Variants in MELK observed in about 807,000 individuals in gnomAD.
The protein encoded by MELK is pEg3 kinase.
In MELK, 81 loss-of-function variants were observed where a neutral mutation model predicts 85.0. The ratio of observed to expected loss-of-function variants is 0.95; its 90% confidence interval spans 0.80 to 1.15. The LOEUF (loss-of-function observed/expected upper bound fraction) is 1.15. Ranked by LOEUF, MELK falls within the 50% of genes most tolerant of loss-of-function variation. The pLI, the probability that MELK is intolerant of heterozygous loss-of-function variation, is 0.00. For missense variants in MELK, 754 were observed against 777.5 expected (o/e 0.97, Z 0.36); for synonymous variants, 252 against 265.0 (o/e 0.95, Z 0.48).
intron 12 of MELK, among the ~76,000 whole-genome samples, chr9:36,654,780 A>G (rs1831062738): frequency 6.6e-6 from 1 of 152,166 alleles, no homozygotes; most frequent in Non-Finnish European, 1.5e-5. Flanking sequence ...CATTTAACTA[A>G]TAATTTAATT....
chr9:36,621,556 C>T (rs1373844567), intron 8 of MELK, among the ~76,000 whole-genome samples: 1 of 152,090 alleles, frequency 6.6e-6, no homozygotes, highest in Non-Finnish European at 1.5e-5. Flanking sequence ...GAGGTAGATC[C>T]TGGATTTGAA....
intron 1 of MELK, among the ~76,000 whole-genome samples, chr9:36,581,132 C>T (rs2134971632): frequency 6.6e-6 from 1 of 152,222 alleles, no homozygotes; most frequent in African/African-American, 2.4e-5. Context: ...ATATTTGTTG[C>T]AAGTATCTTC....
intron 7 of MELK, among the ~76,000 whole-genome samples, chr9:36,605,485 T>A (rs1372819090): frequency 6.6e-6 from 1 of 152,088 alleles, no homozygotes; most frequent in Non-Finnish European, 1.5e-5. Context: ...GTGCTGGGAT[T>A]ATAGGTGTGA....
intron 13 of MELK, among the ~76,000 whole-genome samples, chr9:36,664,324 A>AT (rs1832131713): frequency 6.6e-6 from 1 of 152,088 alleles, no homozygotes; most frequent in Non-Finnish European, 1.5e-5. Flanking sequence ...GTCTTTTGGA[A>AT]TTTTTTATGT....
chr9:36,602,058 C>T (rs1041832645), intron 7 of MELK, among the ~76,000 whole-genome samples: 1 of 152,150 alleles, frequency 6.6e-6, no homozygotes, highest in Non-Finnish European at 1.5e-5. Flanking sequence ...CTTTCAGATC[C>T]TGCTTTCAAT....
chr9:36,667,733 T>C (rs1317851988), intron 14 of MELK, among the ~76,000 whole-genome samples: 1 of 152,152 alleles, frequency 6.6e-6, no homozygotes, highest in Non-Finnish European at 1.5e-5. Context: ...CATTTTTCTT[T>C]CTTTTCTTTT....
At chr9:36,576,732 A>C (rs1387936995) in intron 1 of MELK, among the ~76,000 whole-genome samples, 1 of 152,020 alleles carries the variant, frequency 6.6e-6, no homozygotes, top group African/African-American at 2.4e-5. Context: ...GGGTTTCTGC[A>C]TGTTGGTCAG....
chr9:36,607,127 T>A (rs1324247469), intron 7 of MELK, among the ~76,000 whole-genome samples: 1 of 152,338 alleles, frequency 6.6e-6, no homozygotes, highest in East Asian at 1.9e-4. Flanking sequence ...TTATTAAAGT[T>A]CTCTACATAG....
At chr9:36,613,912 G>A (rs150171751) in intron 8 of MELK, among the ~76,000 whole-genome samples, 199 of 152,138 alleles carry the variant, frequency 1.3e-3, no homozygotes, top group African/African-American at 4.3e-3. Context: ...TACGTGAAAT[G>A]GGGAGCCATT....
chr9:36,630,500 A>G, intron 9 of MELK, 133 bp downstream of exon 9: 1 of 667,456 alleles, frequency 1.5e-6, no homozygotes, highest in Non-Finnish European at 2.6e-6. Context: ...AATATCCTCT[A>G]TTAGATCCTT....
intron 10 of MELK, among the ~76,000 whole-genome samples, chr9:36,636,752 C>CTT (rs1405809705): frequency 2.0e-5 from 2 of 102,064 alleles, no homozygotes; most frequent in African/African-American, 4.2e-5. Context: ...TTCTTTCTTT[C>CTT]TTTCTTTCTT....
intron 8 of MELK, among the ~76,000 whole-genome samples, chr9:36,629,166 G>T (rs1828262502): frequency 6.6e-6 from 1 of 151,986 alleles, no homozygotes; most frequent in African/African-American, 2.4e-5. Context: ...CGCCCAGCCT[G>T]GTTTTGTATT....
chr9:36,594,619 CTGT>C lies in MELK; in HGVS notation c.262-6_262-4del, dbSNP rs1436037515. Reference sequence around the variant, plus strand: ...TGTAACAATATCTGTGATTCCATTGCTGTTGAAGTACTGCCCTGGAGGAGAGCT... The same window carrying C: ...TGTAACAATATCTGTGATTCCATTGCTGAAGTACTGCCCTGGAGGAGAGCT... On this transcript the variant is annotated splice_region_variant and splice_polypyrimidine_tract_variant and intron_variant, in intron 4 of 17. Coordinates refer to ENST00000298048, the MANE Select transcript of MELK (RefSeq NM_014791.4). 11 of 1,608,160 alleles carry C rather than the reference CTGT, an allele frequency of 6.8e-6. No homozygotes were observed. The highest frequency in any genetic ancestry group is 9.3e-6 in the Non-Finnish European group (11 of 1,178,184).
chr9:36,577,953 G>A (rs1235480152), intron 1 of MELK, among the ~76,000 whole-genome samples: 1 of 152,040 alleles, frequency 6.6e-6, no homozygotes, highest in African/African-American at 2.4e-5. Context: ...GCGCCTGGCT[G>A]TTTTTTATTT....
intron 8 of MELK, among the ~76,000 whole-genome samples, chr9:36,621,303 A>C (rs1029647445): frequency 2.3e-4 from 30 of 130,294 alleles, no homozygotes; most frequent in African/African-American, 9.3e-4. Context: ...AAAAAAAAAA[A>C]AAAAAAAAAA....
intron 4 of MELK, among the ~76,000 whole-genome samples, chr9:36,593,491 G>C (rs1286631669): frequency 6.6e-6 from 1 of 151,994 alleles, no homozygotes; most frequent in Non-Finnish European, 1.5e-5. Flanking sequence ...GAATCTAGTG[G>C]CACCTTGATG....
intron 3 of MELK, among the ~76,000 whole-genome samples, chr9:36,588,108 C>T (rs748755811): frequency 5.3e-5 from 8 of 151,602 alleles, no homozygotes; most frequent in Non-Finnish European, 1.2e-4. Context: ...CTCTTGTTTC[C>T]CAGGCTGGAT....
chr9:36,640,262 A>G (rs530066111), intron 10 of MELK, among the ~76,000 whole-genome samples: 2 of 152,188 alleles, frequency 1.3e-5, no homozygotes, highest in Non-Finnish European at 2.9e-5. Context: ...TCAAGGCATC[A>G]TAGAGCTAGA....
At chr9:36,634,317 C>T (rs1402072985) in intron 10 of MELK, among the ~76,000 whole-genome samples, 1 of 152,152 alleles carries the variant, frequency 6.6e-6, no homozygotes, top group African/African-American at 2.4e-5. Flanking sequence ...CTGACAAATT[C>T]CCTTGGTTCA....
Sources: allele counts gnomAD v4.1 joint callset (sites outside exome capture counted in the v4.1 genomes callset), GRCh38; gene constraint gnomAD v4.1.1; transcripts MANE v1.5; gene names NCBI Gene and HGNC (gene_info 2026-07-23, HGNC 2026-07-21).